The following SCN1A variants were observed in gnomAD, a reference collection of about 807,000 sequenced individuals.
SCN1A encodes sodium channel protein type 1 subunit alpha.
Under a neutral mutation model 193.7 loss-of-function variants are expected in SCN1A, and 13 were observed. The ratio of observed to expected loss-of-function variants is 0.07; its 90% CI spans 0.04 to 0.11. SCN1A has a LOEUF of 0.11. SCN1A is among the 10% of genes least tolerant of loss of function. The pLI, the probability that SCN1A is intolerant of heterozygous loss-of-function variation, is 1.00. For synonymous variants in SCN1A, 781 were observed against 843.6 expected (o/e 0.93, Z 1.29); for missense variants, 1,432 against 2,451.1 (o/e 0.58, Z 8.78).
intron 6 of SCN1A, 32 bp from the exon 7 acceptor site, chr2:166,054,798 G>A: frequency 2.5e-6 from 4 of 1,602,380 alleles, no homozygotes; most frequent in Non-Finnish European, 3.4e-6. Context: ...ATTTGATAAA[G>A]TAACAGTGTT....
At chr2:166,148,559 G>T (rs1692413282) in intron 1 of SCN1A, among the ~76,000 whole-genome samples, 1 of 152,130 alleles carries the variant, frequency 6.6e-6, no homozygotes, top group Non-Finnish European at 1.5e-5. Context: ...AAACTAAGTA[G>T]GCAGGATTCA....
chr2:166,145,704 A>C (rs1242577006), intron 1 of SCN1A, among the ~76,000 whole-genome samples: 1 of 152,204 alleles, frequency 6.6e-6, no homozygotes, highest in Non-Finnish European at 1.5e-5. Flanking sequence ...TGTAATTTTA[A>C]GGCTAAAGAC....
chr2:166,107,222 G>T (rs1340942268), intron 2 of SCN1A, among the ~76,000 whole-genome samples: 1 of 152,148 alleles, frequency 6.6e-6, no homozygotes, highest in Non-Finnish European at 1.5e-5. Flanking sequence ...CAACTCTGGT[G>T]TTACTTGACG....
Position 166,054,785 on chromosome 2 carries a change from A to G in SCN1A, c.474-19T>C. The G allele has an allele frequency of 6.2e-7, 1 of 1,607,256 alleles. No individual in the cohort carries two copies. Among genetic ancestry groups the G allele is most frequent in the African/African-American group, 1.3e-5 (1 of 74,808 alleles). ...GGTGTATCTGAAAACAAGCATCCAA[A>G]AAATTTGATAAAGTAACAGTGTTTT... On this transcript the variant is annotated intron_variant, in intron 6 of 28. Coordinates refer to ENST00000674923, the MANE Select transcript of SCN1A (RefSeq NM_001165963.4).
At chr2:166,097,323 C>T (rs563769935) in intron 2 of SCN1A, among the ~76,000 whole-genome samples, 1 of 152,184 alleles carries the variant, frequency 6.6e-6, no homozygotes, top group African/African-American at 2.4e-5. Flanking sequence ...ACAGTGATTA[C>T]ACTTCGTTTC....
chr2:166,084,763 C>T (rs1319276307), intron 2 of SCN1A, among the ~76,000 whole-genome samples: 1 of 151,962 alleles, frequency 6.6e-6, no homozygotes, highest in Non-Finnish European at 1.5e-5. Flanking sequence ...CACCTGACAG[C>T]AATAATTTAA....
At chr2:166,072,793 C>T (rs562543378) in intron 4 of SCN1A, among the ~76,000 whole-genome samples, 2 of 141,546 alleles carry the variant, frequency 1.4e-5, no homozygotes, top group Non-Finnish European at 3.1e-5. Context: ...TCTTTCTTTC[C>T]TTCCTTCCTT....
At chr2:166,109,894 G>A (rs1574540927) in intron 2 of SCN1A, among the ~76,000 whole-genome samples, 1 of 151,864 alleles carries the variant, frequency 6.6e-6, no homozygotes, top group South Asian at 2.1e-4. Flanking sequence ...ATGATTAATG[G>A]GTATAAAAAT....
chr2:166,139,013 G>T (rs1323769963), intron 1 of SCN1A, among the ~76,000 whole-genome samples: 1 of 152,080 alleles, frequency 6.6e-6, no homozygotes, highest in Non-Finnish European at 1.5e-5. Context: ...ACTTGCACAG[G>T]GTCTGTAGTT....
intron 20 of SCN1A, among the ~76,000 whole-genome samples, chr2:166,014,452 A>T (rs528503670): frequency 6.6e-6 from 1 of 151,536 alleles, no homozygotes; most frequent in Non-Finnish European, 1.5e-5. Context: ...TTCCTCACAC[A>T]TTGCTTTCAC....
Position 166,077,208 on chromosome 2 carries a change from A to G in SCN1A, c.-50+502T>C, listed in dbSNP as rs1685071804. 2.0e-5 allele frequency: 3 copies of G among 151,876 alleles called. 1 individual carries two copies. The South Asian group carries it at 6.2e-4, about 31-fold the overall frequency. The allele number at this position is 151,876 out of a possible 1,614,324, so 9.4% of individuals were successfully genotyped here. ...CACGATCCATGAAAAAAAAGAATTG[A>G]CAATCTGATATCATTAAAATGAAAA... On this transcript the variant is annotated intron_variant, in intron 3 of 28. Coordinates refer to ENST00000674923, the MANE Select transcript of SCN1A (RefSeq NM_001165963.4).
intron 2 of SCN1A, among the ~76,000 whole-genome samples, chr2:166,119,082 G>A (rs916430139): frequency 3.3e-5 from 5 of 152,198 alleles, no homozygotes; most frequent in Admixed American, 1.3e-4. Context: ...TGATCTGACA[G>A]GAGGCGGAGC....
chr2:166,014,642 CAAA>C (rs77406188), intron 20 of SCN1A, among the ~76,000 whole-genome samples: 7 of 67,344 alleles, frequency 1.0e-4, no homozygotes, highest in African/African-American at 1.4e-4. Flanking sequence ...TGCTCCAAGG[CAAA>C]AAAAAAAAAA....
At chr2:166,025,145 G>A (rs916356976) in intron 19 of SCN1A, among the ~76,000 whole-genome samples, 14 of 152,118 alleles carry the variant, frequency 9.2e-5, no homozygotes, top group Admixed American at 3.3e-4. Flanking sequence ...TCTGTAGGTC[G>A]GAAGTCTGGC....
intron 2 of SCN1A, among the ~76,000 whole-genome samples, chr2:166,100,115 C>T (rs1203783074): frequency 7.3e-6 from 1 of 136,952 alleles, no homozygotes; most frequent in East Asian, 2.1e-4. Flanking sequence ...TCAAACTATA[C>T]TACAAGGCTA....
chr2:166,059,740 A>G (rs942575519), intron 4 of SCN1A, among the ~76,000 whole-genome samples: 1 of 152,190 alleles, frequency 6.6e-6, no homozygotes, highest in East Asian at 1.9e-4. Context: ...CAGCAAGCAT[A>G]AATGTTATGT....
chr2:166,078,848 T>A (rs1350168849), intron 2 of SCN1A, among the ~76,000 whole-genome samples: 2 of 151,604 alleles, frequency 1.3e-5, no homozygotes, highest in Admixed American at 1.3e-4. Context: ...TGAATTTTGG[T>A]TTCAAAGTCC....
chr2:166,029,297 T>C (rs748079673), intron 19 of SCN1A, among the ~76,000 whole-genome samples: 19 of 152,192 alleles, frequency 1.2e-4, no homozygotes, highest in Middle Eastern at 3.4e-3. Context: ...AAGACTACAC[T>C]AGCGAGAGGA....
At chr2:166,095,400 G>A (rs1296526992) in intron 2 of SCN1A, among the ~76,000 whole-genome samples, 2 of 152,168 alleles carry the variant, frequency 1.3e-5, no homozygotes, top group African/African-American at 4.8e-5. Flanking sequence ...CCCTTAGTAC[G>A]AATTACTGTG....
Sources: gnomAD v4.1 joint callset for allele counts (sites outside exome capture counted in the v4.1 genomes callset) on GRCh38, gnomAD v4.1.1 for gene constraint, MANE v1.5 for transcripts, NCBI Gene and HGNC (gene_info 2026-07-23, HGNC 2026-07-21) for gene names.